DHRSX: variants seen among roughly 807,000 people sequenced by gnomAD.
DHRSX encodes the protein dehydrogenase/reductase X-linked.
DHRSX carries 31 observed loss-of-function variants against 34.0 expected under a neutral mutation model. The observed-to-expected ratio is 0.91, with a 90% CI of 0.69 to 1.23. The LOEUF (loss-of-function observed/expected upper bound fraction) is 1.23. Ranked by LOEUF, DHRSX falls within the 50% of genes most tolerant of loss-of-function variation. The probability of loss-of-function intolerance (pLI) is 0.00; values close to 1 mark genes in which losing one functional copy is unlikely to be tolerated. For missense variants in DHRSX, 414 were observed against 428.1 expected, an observed-to-expected ratio of 0.97 and a Z score of 0.29; for synonymous variants, 201 against 183.8, an observed-to-expected ratio of 1.09 and a Z score of -0.76.
chrX:2,385,803 C>A (rs946316193), intron 3 of DHRSX, among the ~76,000 whole-genome samples: 1 of 152,052 alleles, frequency 6.6e-6, no homozygotes, highest in African/African-American at 2.4e-5. Flanking sequence ...GTAGAACCAG[C>A]CGATGATGCT....
intron 1 of DHRSX, among the ~76,000 whole-genome samples, chrX:2,429,030 G>A (rs1189006281): frequency 6.6e-6 from 1 of 152,056 alleles, no homozygotes. Context: ...CTTGATACAC[G>A]CATGAATCGA....
At chrX:2,434,169 C>T (rs1352597610) in intron 1 of DHRSX, among the ~76,000 whole-genome samples, 2 of 152,080 alleles carry the variant, frequency 1.3e-5, no homozygotes, top group African/African-American at 2.4e-5. Flanking sequence ...AAAACATAAG[C>T]ATATGAAACA....
intron 1 of DHRSX, among the ~76,000 whole-genome samples, chrX:2,447,734 TG>T (rs2044156671): frequency 1.4e-5 from 2 of 139,394 alleles, no homozygotes. Flanking sequence ...TGCAACAACA[TG>T]GATGGGACTG....
At chrX:2,371,960 T>C (rs778548050) in intron 3 of DHRSX, among the ~76,000 whole-genome samples, 9 of 152,348 alleles carry the variant, frequency 5.9e-5, no homozygotes, top group African/African-American at 1.7e-4. Context: ...TGTCCACAGC[T>C]GGACACTGGG....
At chrX:2,339,982 C>T (rs2042620180) in intron 3 of DHRSX, among the ~76,000 whole-genome samples, 1 of 152,158 alleles carries the variant, frequency 6.6e-6, no homozygotes, top group Non-Finnish European at 1.5e-5. Context: ...TACACTCCCA[C>T]CAACAGTGTA....
At chrX:2,307,633 C>T (rs1211709985) in intron 3 of DHRSX, among the ~76,000 whole-genome samples, 5 of 151,334 alleles carry the variant, frequency 3.3e-5, no homozygotes, top group Non-Finnish European at 4.4e-5. Flanking sequence ...GGCGTGGTGG[C>T]GGGCGCCTGT....
intron 3 of DHRSX, among the ~76,000 whole-genome samples, chrX:2,323,762 C>A (rs1002918236): frequency 6.6e-6 from 1 of 151,758 alleles, no homozygotes; most frequent in Non-Finnish European, 1.5e-5. Context: ...GAGTGAGATC[C>A]GGTCTCGAAA....
chrX:2,346,681 C>T (rs1000299226), intron 3 of DHRSX, among the ~76,000 whole-genome samples: 36 of 150,218 alleles, frequency 2.4e-4, no homozygotes, highest in Admixed American at 5.3e-4. Context: ...TACTTTAAGT[C>T]CTGGGGTACA....
Position 2,467,357 on chromosome X carries a change from G to C in DHRSX, c.109+33460C>G, listed in dbSNP as rs1569504161. Among the ~76,000 whole-genome samples the C allele has an allele frequency of 2.0e-5, 3 of 152,198 alleles. No homozygotes were observed. In the South Asian group the frequency reaches 6.2e-4, roughly 32 times the overall value. On this transcript the variant is annotated intron_variant, in intron 1 of 6. Transcript: ENST00000334651. Reference sequence around the variant, plus strand: ...GCGTCCACTGCAAAGCTCCGTGGCAGTTAGCTCTAGTCAGTTTGTTCACAG... The same window carrying C: ...GCGTCCACTGCAAAGCTCCGTGGCACTTAGCTCTAGTCAGTTTGTTCACAG...
At chrX:2,500,654 G>GCCCCCCCC (rs546772121) in intron 1 of DHRSX, 163 bp downstream of exon 1, 3 of 126,742 alleles carry the variant, frequency 2.4e-5, no homozygotes, top group Admixed American at 7.7e-5. Context: ...CGCGCACGCC[G>GCCCCCCCC]CCCCCCCCCC....
intron 5 of DHRSX, among the ~76,000 whole-genome samples, chrX:2,266,033 C>A (rs771083443): frequency 7.0e-6 from 1 of 143,734 alleles, no homozygotes; most frequent in Admixed American, 6.9e-5. Flanking sequence ...TCCCAGAGCA[C>A]CAGTGTACAG....
intron 4 of DHRSX, among the ~76,000 whole-genome samples, chrX:2,274,816 G>C (rs2041603539): frequency 6.6e-6 from 1 of 152,156 alleles, no homozygotes; most frequent in Non-Finnish European, 1.5e-5. Flanking sequence ...CGGAACGAAA[G>C]CCTGACATAT....
intron 3 of DHRSX, among the ~76,000 whole-genome samples, chrX:2,347,405 G>C (rs746163802): frequency 1.2e-4 from 18 of 152,322 alleles, no homozygotes; most frequent in Admixed American, 1.0e-3. Flanking sequence ...TACAAGATGA[G>C]ATTTGGGGCC....
intron 3 of DHRSX, among the ~76,000 whole-genome samples, chrX:2,352,005 T>C (rs1255700334): frequency 6.6e-6 from 1 of 151,942 alleles, no homozygotes; most frequent in Non-Finnish European, 1.5e-5. Flanking sequence ...CAGGCGTGAG[T>C]CACCGTGCCC....
intron 4 of DHRSX, among the ~76,000 whole-genome samples, chrX:2,282,976 G>C (rs1001034989): frequency 1.6e-4 from 24 of 151,694 alleles, no homozygotes; most frequent in African/African-American, 5.3e-4. Flanking sequence ...AAAAGCAAAA[G>C]AGAGGAAAAG....
intron 1 of DHRSX, among the ~76,000 whole-genome samples, chrX:2,425,750 G>T (rs910363406): frequency 1.3e-5 from 2 of 152,146 alleles, no homozygotes; most frequent in African/African-American, 4.8e-5. Flanking sequence ...GGAGACTGCC[G>T]TTAAGCAAGT....
chrX:2,396,886 T>C (rs1183893805), intron 3 of DHRSX, among the ~76,000 whole-genome samples: 5 of 151,608 alleles, frequency 3.3e-5, no homozygotes, highest in Non-Finnish European at 7.4e-5. Flanking sequence ...TGTCTCAGCC[T>C]CCTGATTAGC....
chrX:2,435,977 G>A (rs750339549), intron 1 of DHRSX, among the ~76,000 whole-genome samples: 81 of 152,218 alleles, frequency 5.3e-4, no homozygotes, highest in Non-Finnish European at 1.0e-3. Flanking sequence ...GGCGGATCAC[G>A]AGGTCAGGAG....
At chrX:2,412,971 T>C (rs2043650254) in intron 2 of DHRSX, among the ~76,000 whole-genome samples, 1 of 152,084 alleles carries the variant, frequency 6.6e-6, no homozygotes, top group Non-Finnish European at 1.5e-5. Context: ...CCAAGGCAGG[T>C]GGATCACAAG....
Sources: allele counts gnomAD v4.1 joint callset (sites outside exome capture counted in the v4.1 genomes callset), GRCh38; gene constraint gnomAD v4.1.1; transcripts MANE v1.5; gene names NCBI Gene and HGNC (gene_info 2026-07-23, HGNC 2026-07-21).